Variants in FAM168A observed in about 807,000 individuals in gnomAD.
FAM168A encodes protein FAM168A.
In FAM168A, 3 loss-of-function variants were observed where a neutral mutation model predicts 28.5. That is an observed-to-expected ratio of 0.11 (90% CI 0.05 to 0.27). The LOEUF (loss-of-function observed/expected upper bound fraction) is 0.27. Among genes scored for constraint, FAM168A ranks in the 10% least tolerant of loss-of-function variants. FAM168A has a pLI of 1.00. For missense variants in FAM168A, 222 were observed against 311.5 expected, an observed-to-expected ratio of 0.71 and a Z score of 2.16; for synonymous variants, 122 against 124.2, an observed-to-expected ratio of 0.98 and a Z score of 0.12.
chr11:73,590,393 A>G (rs1356524622), intron 1 of FAM168A, among the ~76,000 whole-genome samples: 1 of 152,264 alleles, frequency 6.6e-6, no homozygotes, highest in Non-Finnish European at 1.5e-5. Context: ...GGAGTTGTCA[A>G]TAAATATGAA....
chr11:73,518,193 C>T (rs11822755), intron 1 of FAM168A, among the ~76,000 whole-genome samples: 4,525 of 152,138 alleles, frequency 0.03, 225 homozygotes, highest in African/African-American at 0.1. Flanking sequence ...AGGCCTATAA[C>T]CAGGCTGAAT....
At chr11:73,463,300 T>C (rs945808501) in intron 2 of FAM168A, among the ~76,000 whole-genome samples, 1 of 152,128 alleles carries the variant, frequency 6.6e-6, no homozygotes, top group Admixed American at 6.5e-5. Flanking sequence ...CAATCTTTTT[T>C]AAAAAGGCAG....
intron 4 of FAM168A, among the ~76,000 whole-genome samples, chr11:73,411,785 T>C (rs1191016214): frequency 1.3e-5 from 2 of 152,114 alleles, no homozygotes; most frequent in Non-Finnish European, 2.9e-5. Context: ...CTCAGGGCTC[T>C]CATCTATAAA....
rs566820360 is a variant in FAM168A at position 73,407,605 on chromosome 11, C to T, written c.634G>A (p.Ala212Thr). 6.2e-7 allele frequency: 1 copy of T among 1,610,576 alleles called. No individual in the cohort carries two copies. The highest frequency in any genetic ancestry group is 2.3e-5 in the East Asian group (1 of 44,426). Residue 212 changes from alanine to threonine, a missense_variant, in exon 7 of 8, where the codon GCA (alanine) becomes ACA (threonine). Physicochemically the swap from Ala to Thr is moderately conservative, Grantham distance 58 (BLOSUM62 0). This residue lies in a region of FAM168A where 64 missense variants were observed against 94.6 expected (regional missense o/e 0.68). Coordinates refer to ENST00000356467, the MANE Select transcript of FAM168A (RefSeq NM_015159.3). ...LTTPQHTAIG[A>T]HPVSMPTYRA... is the part of the protein sequence containing the mutation. ...TATGTTGGCATGGAGACAGGGTGTG[C>T]CCCAATCGCCGTGTGCTGGGGTGTA...
chr11:73,522,709 C>T (rs1943398600), intron 1 of FAM168A, among the ~76,000 whole-genome samples: 1 of 151,068 alleles, frequency 6.6e-6, no homozygotes, highest in South Asian at 2.1e-4. Context: ...GAGGTTGTAA[C>T]AGCCAATATA....
At chr11:73,459,623 G>A (rs1867606916) in intron 2 of FAM168A, among the ~76,000 whole-genome samples, 1 of 152,122 alleles carries the variant, frequency 6.6e-6, no homozygotes, top group African/African-American at 2.4e-5. Context: ...CTAGCCTAAG[G>A]CTGACTACAT....
At chr11:73,417,850 C>T (rs754690903) in intron 4 of FAM168A, among the ~76,000 whole-genome samples, 2 of 152,128 alleles carry the variant, frequency 1.3e-5, no homozygotes, top group Non-Finnish European at 2.9e-5. Flanking sequence ...TGAGCCACCG[C>T]GCCTGGCCTG....
At chr11:73,514,635 C>T (rs188151131) in intron 1 of FAM168A, among the ~76,000 whole-genome samples, 1 of 152,248 alleles carries the variant, frequency 6.6e-6, no homozygotes, top group Admixed American at 6.5e-5. Flanking sequence ...AGTTCAAGAC[C>T]AGCCTGAGCA....
chr11:73,594,011 T>C (rs1040234714), intron 1 of FAM168A, among the ~76,000 whole-genome samples: 3 of 152,210 alleles, frequency 2.0e-5, no homozygotes, highest in Non-Finnish European at 4.4e-5. Context: ...CAGACATTCA[T>C]TAAATAAATA....
At chr11:73,594,561 CAG>C (rs1247248032) in intron 1 of FAM168A, among the ~76,000 whole-genome samples, 6 of 152,120 alleles carry the variant, frequency 3.9e-5, no homozygotes, top group African/African-American at 1.2e-4. Context: ...TGTTTTGAGA[CAG>C]AGTTTCGCTC....
intron 1 of FAM168A, among the ~76,000 whole-genome samples, chr11:73,549,257 A>T (rs1194989600): frequency 6.6e-6 from 1 of 152,128 alleles, no homozygotes; most frequent in Non-Finnish European, 1.5e-5. Flanking sequence ...AGACATTTCT[A>T]TCATAGTACC....
chr11:73,408,023 C>T (rs1319032133), intron 6 of FAM168A, among the ~76,000 whole-genome samples: 1 of 152,228 alleles, frequency 6.6e-6, no homozygotes. Flanking sequence ...AGGTGCCCAT[C>T]ACCACACTCG....
intron 1 of FAM168A, among the ~76,000 whole-genome samples, chr11:73,557,741 G>A (rs1344998355): frequency 6.6e-6 from 1 of 152,148 alleles, no homozygotes; most frequent in Non-Finnish European, 1.5e-5. Context: ...AAAGTTGGAA[G>A]ACTCACACTT....
At chr11:73,476,971 C>A (rs1297992208) in intron 1 of FAM168A, among the ~76,000 whole-genome samples, 2 of 151,444 alleles carry the variant, frequency 1.3e-5, no homozygotes, top group Non-Finnish European at 2.9e-5. Context: ...CATGAGAGTC[C>A]CAGAAAGAGG....
At chr11:73,580,168 C>T (rs1173787691) in intron 1 of FAM168A, 9 of 377,440 alleles carry the variant, frequency 2.4e-5, no homozygotes, top group Admixed American at 2.2e-4. Context: ...GAGGTGAGAA[C>T]GACCCCCAGA....
intron 1 of FAM168A, among the ~76,000 whole-genome samples, chr11:73,587,702 A>C (rs1421963434): frequency 6.6e-6 from 1 of 152,148 alleles, no homozygotes; most frequent in Non-Finnish European, 1.5e-5. Flanking sequence ...TTAATTATAC[A>C]TCTGTTTCAT....
Position 73,565,157 on chromosome 11 carries a change from C to T in FAM168A, c.-19+32766G>A, listed in dbSNP as rs562470499. Among the ~76,000 whole-genome samples, 5 of 152,230 alleles carry T rather than the reference C, an allele frequency of 3.3e-5. No individual in the cohort carries two copies. The South Asian group carries it at 8.3e-4, about 25-fold the overall frequency. On this transcript the variant is annotated intron_variant, in intron 1 of 7. Coordinates refer to ENST00000356467, the MANE Select transcript of FAM168A (RefSeq NM_015159.3). Reference sequence around the variant, plus strand: ...AGGACTTGTCCACACTGCAGCAGGACCACAAAGACCCTGACAACCTTACAG... The same window carrying T: ...AGGACTTGTCCACACTGCAGCAGGATCACAAAGACCCTGACAACCTTACAG...
chr11:73,513,995 G>A (rs1855279940), intron 1 of FAM168A, among the ~76,000 whole-genome samples: 2 of 151,974 alleles, frequency 1.3e-5, no homozygotes, highest in African/African-American at 4.8e-5. Flanking sequence ...ACCAGCCTGG[G>A]CAACATGGCA....
At chr11:73,591,475 C>T (rs139215584) in intron 1 of FAM168A, among the ~76,000 whole-genome samples, 91 of 152,252 alleles carry the variant, frequency 6.0e-4, no homozygotes, top group African/African-American at 2.1e-3. Flanking sequence ...TGCTAATTCC[C>T]TACTTGTCTT....
Sources: allele counts gnomAD v4.1 joint callset (sites outside exome capture counted in the v4.1 genomes callset), GRCh38; gene constraint gnomAD v4.1.1; regional missense constraint gnomAD v4.1.1; transcripts MANE v1.5; gene names NCBI Gene and HGNC (gene_info 2026-07-23, HGNC 2026-07-21).